The following ZNF23 variants were observed in gnomAD, a reference collection of about 807,000 sequenced individuals.
ZNF23 encodes the protein kruppel-like zinc finger factor X31.
Under a neutral mutation model 56.2 loss-of-function variants are expected in ZNF23, and 48 were observed. The observed-to-expected ratio is 0.85, with a 90% CI of 0.68 to 1.09. The LOEUF (loss-of-function observed/expected upper bound fraction) is 1.09, where lower values mean the gene tolerates loss of function less well. Ranked by LOEUF, ZNF23 falls within the 50% of genes least tolerant of loss-of-function variation. The probability of loss-of-function intolerance (pLI) is 0.00; values close to 1 mark genes in which losing one functional copy is unlikely to be tolerated. For missense variants in ZNF23, 805 were observed against 811.4 expected (o/e 0.99, Z 0.10); for synonymous variants, 266 against 283.3 (o/e 0.94, Z 0.61).
Position 71,448,179 on chromosome 16 carries a change from A to G in ZNF23, c.1975T>C (p.Tyr659His), listed in dbSNP as rs773117465. 4 of 1,614,226 alleles carry G rather than the reference A, an allele frequency of 2.5e-6. No individual in the cohort carries two copies. The highest frequency in any genetic ancestry group is 3.4e-6 in the Non-Finnish European group (4 of 1,180,038). Residue 659 changes from tyrosine (Y) to histidine (H), a missense_variant, in exon 5 of 5, where the codon TAT becomes CAT. Tyr to His is a moderately conservative substitution (Grantham distance 83, BLOSUM62 2). Transcript: ENST00000647773. ...GCTTTCCCACACACACTACACATAT[A>G]GGGTTTCTTCCAAGTGTGGACTGTC... ...HQTVHTWKKP[Y>H]MCSVCGKAFR...
Position 71,448,881 on chromosome 16 carries a change from G to A in ZNF23, c.1273C>T (p.His425Tyr), listed in dbSNP as rs765950008. Residue 425 changes from histidine (H) to tyrosine (Y), a missense_variant, in exon 5 of 5, where the codon CAT (histidine) becomes TAT (tyrosine). His to Tyr is a moderately conservative substitution (Grantham distance 83). Coordinates refer to ENST00000647773, the MANE Select transcript of ZNF23 (RefSeq NM_001381984.1). The stretch of plus-strand genomic sequence containing the variant: ...TTCTCACCTGTGTGGATTCTCTGAT[G>A]CTGAATGAGTTTTGTATTATTATTG... ...GFNNNTKLIQHQRIHTGEKPY... is the reference protein window; with the variant it reads ...GFNNNTKLIQYQRIHTGEKPY... 6.2e-7 allele frequency: 1 copy of A among 1,614,194 alleles called. No homozygotes were observed. The highest frequency in any genetic ancestry group is 1.7e-5 in the Admixed American group (1 of 60,018).
At chr16:71,450,254 A>G (rs1326355993) in intron 4 of ZNF23, 1 of 167,828 alleles carries the variant, frequency 6.0e-6, no homozygotes, top group Non-Finnish European at 1.3e-5. Context: ...AAACTGGCAT[A>G]GGAAGTTTAG....
At position 71,447,973 on chromosome 16, in the gene ZNF23, G is replaced by A. The variant is rs2042905489; in HGVS notation, c.*120C>T. ...ATTTAAACTGAATAGAATAAAAACT[G>A]TTTCCATATGAAGACTCTGCCATAT... On this transcript the variant is annotated 3_prime_UTR_variant, in exon 5 of 5. Coordinates refer to ENST00000647773, the MANE Select transcript of ZNF23 (RefSeq NM_001381984.1). 1.4e-6 allele frequency: 1 copy of A among 709,534 alleles called. No individual in the cohort carries two copies. The highest frequency in any genetic ancestry group is 3.4e-5 in the Admixed American group (1 of 29,002). 44.0% of individuals were successfully genotyped at this position (709,534 alleles called of 1,614,324 possible).
intron 4 of ZNF23, chr16:71,450,928 C>A (rs1434189788): frequency 1.6e-5 from 3 of 183,196 alleles, no homozygotes; most frequent in Non-Finnish European, 3.5e-5. Flanking sequence ...TGGAAGATGA[C>A]AACAGTCAGC....
intron 1 of ZNF23, 178 bp downstream of exon 1, chr16:71,462,032 A>AGTCGAGGAGCGCGGAAGAGC (rs1456428357): frequency 6.6e-6 from 1 of 152,344 alleles, no homozygotes; most frequent in Non-Finnish European, 1.5e-5. Context: ...CCAAAGCTGG[A>AGTCGAGGAGCGCGGAAGAGC]GTCGAGGAGC....
At chr16:71,462,170 G>C (rs570879080) in intron 1 of ZNF23, 40 bp downstream of exon 1, 3 of 152,364 alleles carry the variant, frequency 2.0e-5, no homozygotes, top group Middle Eastern at 3.1e-3. Context: ...GAGCCTGGGG[G>C]ACAGGGCACG....
intron 2 of ZNF23, among the ~76,000 whole-genome samples, chr16:71,455,025 C>T (rs557441771): frequency 3.9e-5 from 6 of 152,294 alleles, no homozygotes; most frequent in African/African-American, 1.4e-4. Flanking sequence ...TGGGGGCTCA[C>T]TGGCAGGGAT....
At chr16:71,456,006 G>C in intron 2 of ZNF23, 1 of 456,566 alleles carries the variant, frequency 2.2e-6, no homozygotes, top group Non-Finnish European at 4.4e-6. Context: ...AAAGGGCTTA[G>C]TATGGCTCCT....
Position 71,448,331 on chromosome 16 carries a change from C to T in ZNF23, c.1823G>A (p.Cys608Tyr). 1 of 1,614,046 alleles carries T rather than the reference C, an allele frequency of 6.2e-7. No homozygotes were observed. Among genetic ancestry groups the T allele is most frequent in the Non-Finnish European group, 8.5e-7 (1 of 1,179,976 alleles). Residue 608 changes from cysteine (C) to tyrosine (Y), a missense_variant, in exon 5 of 5, where the codon TGT (cysteine) becomes TAT (tyrosine). By Grantham distance (194) the Cys-to-Tyr change is radical. Coordinates refer to ENST00000647773, the MANE Select transcript of ZNF23 (RefSeq NM_001381984.1). ...TGEKPFQCKE[C>Y]GKAFHVNAHL... ...GGCATTAACATGGAAGGCTTTTCCA[C>T]ACTCCTTACACTGAAAGGGTTTCTC... is the stretch of plus-strand genomic sequence containing the variant.
rs146204907 is a variant in ZNF23, at chr16:71,455,388, G to A, written c.34-1220C>T. On this transcript the variant is annotated intron_variant, in intron 2 of 4. Coordinates refer to ENST00000647773, the MANE Select transcript of ZNF23 (RefSeq NM_001381984.1). Reference sequence around the variant, plus strand: ...TTTTTTTTCTTTGAGTTGGAGTCTCGCTCTGTCACCCAGGCTGAAGCGCAG... The same window carrying A: ...TTTTTTTTCTTTGAGTTGGAGTCTCACTCTGTCACCCAGGCTGAAGCGCAG... 4.6e-3 allele frequency among the ~76,000 whole-genome samples: 698 copies of A among 151,560 alleles called. 6 individuals are homozygous for A. Among genetic ancestry groups the A allele is most frequent in the African/African-American group, 0.016 (652 of 41,298 alleles).
At chr16:71,452,669 T>C (rs936078813) in intron 4 of ZNF23, 1 of 152,354 alleles carries the variant, frequency 6.6e-6, no homozygotes, top group Admixed American at 6.5e-5. Flanking sequence ...AATACTGAAC[T>C]GAGCACACAT....
In ZNF23 at chr16:71,448,902, T is replaced by C. The variant is rs1360584456; in HGVS notation, c.1252A>G (p.Asn418Asp). 6.2e-7 allele frequency: 1 copy of C among 1,614,138 alleles called. No homozygotes were observed. Among genetic ancestry groups the C allele is most frequent in the Non-Finnish European group, 8.5e-7 (1 of 1,180,012 alleles). ...TGATGCTGAATGAGTTTTGTATTAT[T>C]ATTGAAGCCTTTTCCACACTCTTTA... is the stretch of plus-strand genomic sequence containing the variant. ...QCKECGKGFN[N>D]NTKLIQHQRI... Residue 418 changes from asparagine to aspartate, a missense_variant, in exon 5 of 5, where the codon AAT (asparagine) becomes GAT (aspartate). By Grantham distance (23) the Asn-to-Asp change is conservative. Coordinates refer to ENST00000647773, the MANE Select transcript of ZNF23 (RefSeq NM_001381984.1).
chr16:71,455,805 A>C (rs973319757), intron 2 of ZNF23, among the ~76,000 whole-genome samples: 2 of 152,292 alleles, frequency 1.3e-5, no homozygotes, highest in Admixed American at 6.5e-5. Context: ...TATTCCATAC[A>C]CATCACAAAT....
chr16:71,459,921 C>T (rs1278088886), intron 1 of ZNF23, among the ~76,000 whole-genome samples: 3 of 152,114 alleles, frequency 2.0e-5, no homozygotes, highest in African/African-American at 7.2e-5. Flanking sequence ...TATACAACTC[C>T]ATTTTTAGAT....
chr16:71,449,672 TC>T lies in ZNF23; in HGVS notation c.481del (p.Glu161ArgfsTer39), dbSNP rs781240865. Reference protein sequence around the residue: ...GTVKDETSPVEECFFSQSSNS... With the variant: ...GTVKDETSPVXECFFSQSSNS... ...TGAACTTTGACTAAAAAAACACTCCTCCACGGGGCTTGTCTCATCTTTCACT... is the reference window on the plus strand; with the variant it reads ...TGAACTTTGACTAAAAAAACACTCCTCACGGGGCTTGTCTCATCTTTCACT... On this transcript the variant is annotated frameshift_variant, in exon 5 of 5. Transcript: ENST00000647773. LOFTEE classifies it high-confidence loss of function. The T allele has an allele frequency of 6.2e-6, 10 of 1,613,774 alleles. No homozygotes were observed. Among genetic ancestry groups the T allele is most frequent in the Non-Finnish European group, 8.5e-6 (10 of 1,180,010 alleles).
Position 71,448,186 on chromosome 16 carries a change from C to A in ZNF23, c.1968G>T (p.Lys656Asn). Residue 656 changes from lysine to asparagine, a missense_variant, in exon 5 of 5, where the codon AAG becomes AAT. Coordinates refer to ENST00000647773, the MANE Select transcript of ZNF23 (RefSeq NM_001381984.1). ...YIIHQTVHTW[K>N]KPYMCSVCGK... ...CACACACACTACACATATAGGGTTT[C>A]TTCCAAGTGTGGACTGTCTGATGTA... is the stretch of plus-strand genomic sequence containing the variant. 1.9e-6 allele frequency: 3 copies of A among 1,614,234 alleles called. No individual in the cohort carries two copies. Among genetic ancestry groups the A allele is most frequent in the Non-Finnish European group, 2.5e-6 (3 of 1,180,034 alleles).
At chr16:71,452,965 T>C (rs2145092228) in intron 4 of ZNF23, among the ~76,000 whole-genome samples, 1 of 152,362 alleles carries the variant, frequency 6.6e-6, no homozygotes, top group East Asian at 1.9e-4. Context: ...CCCAAACTAC[T>C]GAGTCCCTTA....
chr16:71,447,710 T>A lies in ZNF23; in HGVS notation c.*383A>T, dbSNP rs554373222. ...AGGTAGAGTATCTTTAGTACGGGTT[T>A]TCCTATCCAACAACAAGGCTTCTCT... is the stretch of plus-strand genomic sequence containing the variant. On this transcript the variant is annotated 3_prime_UTR_variant, in exon 5 of 5. Coordinates refer to ENST00000647773, the MANE Select transcript of ZNF23 (RefSeq NM_001381984.1). 1 of 160,118 alleles carries A rather than the reference T, an allele frequency of 6.2e-6. No homozygotes were observed. Among genetic ancestry groups the A allele is most frequent in the East Asian group, 1.8e-4 (1 of 5,516 alleles). 9.9% of individuals were successfully genotyped at this position (160,118 alleles called of 1,614,324 possible).
Position 71,448,163 on chromosome 16 carries a change from C to A in ZNF23, c.1991G>T (p.Cys664Phe), listed in dbSNP as rs748676102. ...GAAGCTAAACCTGAATGCTTTCCCA[C>A]ACACACTACACATATAGGGTTTCTT... ...TWKKPYMCSV[C>F]GKAFRFSFQL... The change falls in exon 5 of 5, where the codon TGT becomes TTT. Residue 664 changes from cysteine (C) to phenylalanine (F), a missense_variant. Cys to Phe is a radical substitution (Grantham distance 205, BLOSUM62 -2). Coordinates refer to ENST00000647773, the MANE Select transcript of ZNF23 (RefSeq NM_001381984.1). 1.9e-6 allele frequency: 3 copies of A among 1,614,160 alleles called. No individual in the cohort carries two copies. The highest frequency in any genetic ancestry group is 1.3e-5 in the African/African-American group (1 of 75,064).
Sources: gnomAD v4.1 joint callset for allele counts (sites outside exome capture counted in the v4.1 genomes callset) on GRCh38, gnomAD v4.1.1 for gene constraint, MANE v1.5 for transcripts, NCBI Gene and HGNC (gene_info 2026-07-23, HGNC 2026-07-21) for gene names.